RBM5: variants seen among roughly 807,000 people sequenced by gnomAD.
The protein encoded by RBM5 is RNA-binding protein 5.
RBM5 carries 15 observed loss-of-function variants against 124.6 expected under a neutral mutation model. The ratio of observed to expected loss-of-function variants is 0.12; its 90% confidence interval spans 0.08 to 0.19. The LOEUF is 0.19. Among genes scored for constraint, RBM5 ranks in the 10% least tolerant of loss-of-function variants. The probability of loss-of-function intolerance (pLI) is 1.00; values close to 1 mark genes in which losing one functional copy is unlikely to be tolerated. For synonymous variants in RBM5, 337 were observed against 361.2 expected, an observed-to-expected ratio of 0.93 and a Z score of 0.76; for missense variants, 580 against 1,026.5, an observed-to-expected ratio of 0.57 and a Z score of 5.94.
intron 3 of RBM5, 117 bp downstream of exon 3, chr3:50,092,325 G>A: frequency 9.0e-7 from 1 of 1,112,756 alleles, no homozygotes; most frequent in Non-Finnish European, 1.3e-6. Context: ...ACTTTGGGAG[G>A]CCAAGGCGGC....
intron 6 of RBM5, chr3:50,102,226 G>T (rs1019107497): frequency 2.0e-5 from 3 of 152,054 alleles, no homozygotes; most frequent in African/African-American, 7.2e-5. Context: ...CTCTTTAGGG[G>T]TAGGTGCTAG....
chr3:50,117,119 A>G lies in RBM5; in HGVS notation c.2140A>G (p.Ile714Val), dbSNP rs752778677. 1.5e-5 allele frequency: 25 copies of G among 1,614,218 alleles called. No individual in the cohort carries two copies. Among genetic ancestry groups the G allele is most frequent in the Non-Finnish European group, 2.0e-5 (24 of 1,180,046 alleles). ...TGCAGAAAGACGGGAGAAGTACGGC[A>G]TTCCAGAACCTCCAGAGCCCAAGCG... ...RAAERREKYG[I>V]PEPPEPKRKK... The change falls in exon 23 of 25, where the codon ATT becomes GTT. Residue 714 changes from isoleucine (I) to valine (V), a missense_variant. Physicochemically the swap from Ile to Val is conservative, Grantham distance 29. Around this residue, in one of 6 missense-constraint regions of RBM5, gnomAD observed 234 missense variants for 435.1 expected, o/e 0.54. Transcript: ENST00000347869. The surrounding 1 kb of genome is among the most constrained non-coding windows in gnomAD (Gnocchi z 4.2).
Position 50,117,472 on chromosome 3 carries a change from G to A in RBM5, c.2322+93G>A. 6.5e-7 allele frequency: 1 copy of A among 1,549,978 alleles called. No individual in the cohort carries two copies. ...CACTCATAGAGCCTGGGAGCCAGGA[G>A]CAGCTTTACCTTAGCATGAAGGGGC... On this transcript the variant is annotated intron_variant, in intron 24 of 24. Transcript: ENST00000347869. The surrounding 1 kb of genome is among the most constrained non-coding windows in gnomAD (Gnocchi z 4.2).
chr3:50,107,199 G>A, intron 11 of RBM5: 1 of 628,564 alleles, frequency 1.6e-6, no homozygotes. Context: ...ATAATTTCAT[G>A]TATATAGTGC....
chr3:50,090,966 C>T (rs992342360), intron 2 of RBM5, among the ~76,000 whole-genome samples: 1 of 152,200 alleles, frequency 6.6e-6, no homozygotes, highest in African/African-American at 2.4e-5. Flanking sequence ...CTGTGTGTTA[C>T]ATGAAGAAAG....
rs530934301 is a variant in RBM5 at position 50,092,943 on chromosome 3, CTTTTTTTTTTTTTT to C, written c.183+750_184-749del. Reference sequence around the variant, plus strand: ...TGTTGTTTTGGTCATCTTGATATATCTTTTTTTTTTTTTTTTTTTTTTTTTTTTGAGACAGCTTT... The same window carrying C: ...TGTTGTTTTGGTCATCTTGATATATCTTTTTTTTTTTTTTGAGACAGCTTT... On this transcript the variant is annotated intron_variant, in intron 3 of 24. Transcript: ENST00000347869. 182 of 79,222 alleles carry C rather than the reference CTTTTTTTTTTTTTT, an allele frequency of 2.3e-3. 1 individual carries two copies. Among genetic ancestry groups the C allele is most frequent in the Middle Eastern group, 6.8e-3 (1 of 148 alleles). 4.9% of individuals were successfully genotyped at this position (79,222 alleles called of 1,614,324 possible).
chr3:50,117,033 A>G lies in RBM5; in HGVS notation c.2095-41A>G. ...GGTGCATTAGACGGTTACAGGTTGA[A>G]GTCTGTGAACATTTCCAGCAGTGTT... On this transcript the variant is annotated intron_variant, in intron 22 of 24. Transcript: ENST00000347869. This position sits in a 1 kb window ranked among gnomAD's most constrained non-coding sequence, Gnocchi z 4.2. The G allele has an allele frequency of 6.4e-7, 1 of 1,560,052 alleles. No individual in the cohort carries two copies. The highest frequency in any genetic ancestry group is 8.8e-7 in the Non-Finnish European group (1 of 1,131,048).
chr3:50,115,561 A>G lies in RBM5; in HGVS notation c.1973A>G (p.Asn658Ser), dbSNP rs765811866. 3 of 1,613,648 alleles carry G rather than the reference A, an allele frequency of 1.9e-6. No homozygotes were observed. Among genetic ancestry groups the G allele is most frequent in the South Asian group, 1.1e-5 (1 of 91,036 alleles). ...ACLLCRRQFP[N>S]KDALVRHQQL... ...CTGCTCTGCCGGCGCCAGTTCCCGA[A>G]CAAAGATGCCCTAGTCAGGCACCAG... The change falls in exon 21 of 25, where the codon AAC becomes AGC. Residue 658 changes from asparagine (N) to serine (S), a missense_variant. Coordinates refer to ENST00000347869, the MANE Select transcript of RBM5 (RefSeq NM_005778.4).
chr3:50,118,136 G>T, intron 24 of RBM5, 195 bp from the exon 25 acceptor site: 2 of 708,880 alleles, frequency 2.8e-6, no homozygotes, highest in Non-Finnish European at 4.5e-6. Context: ...TCATCTGCCT[G>T]TGTTCCGTAG....
intron 4 of RBM5, among the ~76,000 whole-genome samples, chr3:50,094,869 T>C (rs1174065770): frequency 6.6e-6 from 1 of 152,172 alleles, no homozygotes. Context: ...TTTCTGTCTT[T>C]AGGGAAAAGT....
At chr3:50,115,846 A>C in intron 21 of RBM5, 60 bp from the exon 22 acceptor site, 1 of 1,452,412 alleles carries the variant, frequency 6.9e-7, no homozygotes, top group Non-Finnish European at 9.7e-7. Flanking sequence ...TACTAATGTT[A>C]GGACATTTCA....
chr3:50,118,367 A>C lies in RBM5; in HGVS notation c.2359A>C (p.Lys787Gln). 6.2e-7 allele frequency: 1 copy of C among 1,614,164 alleles called. No individual in the cohort carries two copies. Among genetic ancestry groups the C allele is most frequent in the South Asian group, 1.1e-5 (1 of 91,074 alleles). ...GCTAAAGGGAGCTGGCCTAGGAGCC[A>C]AAGGCAGCGCATATGGTTTGTCGGG... ...VRLKGAGLGAKGSAYGLSGAD... is the reference protein window; with the variant it reads ...VRLKGAGLGAQGSAYGLSGAD... Residue 787 changes from lysine to glutamine, a missense_variant, in exon 25 of 25, where the codon AAA (lysine) becomes CAA (glutamine). By Grantham distance (53) the Lys-to-Gln change is moderately conservative. This residue lies in a region of RBM5 where 234 missense variants were observed against 435.1 expected (regional missense o/e 0.54). Coordinates refer to ENST00000347869, the MANE Select transcript of RBM5 (RefSeq NM_005778.4).
chr3:50,092,301 C>T, intron 3 of RBM5, 93 bp downstream of exon 3: 2 of 1,373,032 alleles, frequency 1.5e-6, no homozygotes, highest in South Asian at 1.4e-5. Context: ...GTGGCCCCTT[C>T]CCATAATCCT....
In RBM5 at chr3:50,100,817, G is replaced by C. The variant is rs982689822; in HGVS notation, c.483+212G>C. 2.2e-6 allele frequency: 1 copy of C among 447,830 alleles called. No homozygotes were observed. The highest frequency in any genetic ancestry group is 5.9e-5 in the South Asian group (1 of 16,870). The allele number at this position is 447,830 out of a possible 1,614,324, so 27.7% of individuals were successfully genotyped here. A position where few individuals can be genotyped will look rare whatever the true frequency, so the allele number is the denominator to read the frequency against. On this transcript the variant is annotated intron_variant, in intron 6 of 24. Coordinates refer to ENST00000347869, the MANE Select transcript of RBM5 (RefSeq NM_005778.4). The surrounding 1 kb of genome is among the most constrained non-coding windows in gnomAD (Gnocchi z 5.1). ...TGCCTTTAAACATGGCTACCTACCT[G>C]GCAGGGCTTTGTTAACTACTGAATA...
At chr3:50,113,868 TTGAGA>T (rs1164419787) in intron 18 of RBM5, 77 bp from the exon 19 acceptor site, 1 of 1,486,884 alleles carries the variant, frequency 6.7e-7, no homozygotes, top group Non-Finnish European at 9.1e-7. Context: ...GGGCATATAG[TTGAGA>T]TAAGATCCTT....
At chr3:50,105,287 A>G (rs1487070156) in intron 9 of RBM5, 145 bp downstream of exon 9, 3 of 702,218 alleles carry the variant, frequency 4.3e-6, no homozygotes, top group African/African-American at 1.8e-5. Context: ...ACACACCTGT[A>G]ATCCCAGCTA....
rs376110468 is a variant in RBM5, at chr3:50,089,280, T to C, written c.-54+251T>C. 5.3e-5 allele frequency among the ~76,000 whole-genome samples: 8 copies of C among 152,330 alleles called. No individual in the cohort carries two copies. The East Asian group carries it at 1.5e-3, about 29-fold the overall frequency. On this transcript the variant is annotated intron_variant, in intron 1 of 24. Coordinates refer to ENST00000347869, the MANE Select transcript of RBM5 (RefSeq NM_005778.4). ...TGACTTTGCCCCTTGTGGATACACG[T>C]CCCCTAATCTTCAGCCCAACGGAGC...
intron 11 of RBM5, 121 bp downstream of exon 11, chr3:50,106,985 A>C: frequency 1.2e-6 from 1 of 860,772 alleles, no homozygotes; most frequent in Non-Finnish European, 2.0e-6. Context: ...CCTGATTGCC[A>C]AGGCCAGGAG....
At chr3:50,101,292 A>ATT (rs752826130) in intron 6 of RBM5, 1 of 152,208 alleles carries the variant, frequency 6.6e-6, no homozygotes, top group African/African-American at 2.4e-5. Context: ...TGGCACTTAA[A>ATT]TAACATTTTT....
Sources: gnomAD v4.1 joint callset for allele counts (sites outside exome capture counted in the v4.1 genomes callset) on GRCh38, gnomAD v4.1.1 for gene constraint, gnomAD v4.1.1 regional missense constraint, Gnocchi (gnomAD v3.1) non-coding constraint, MANE v1.5 for transcripts, NCBI Gene and HGNC (gene_info 2026-07-23, HGNC 2026-07-21) for gene names.